The following CCSER1 variants were observed in gnomAD, a reference collection of about 807,000 sequenced individuals.
CCSER1 encodes coiled-coil serine rich protein 1.
A neutral mutation model predicts 82.0 loss-of-function variants in CCSER1; 41 were observed. That is an observed-to-expected ratio of 0.50 (90% CI 0.39 to 0.65). CCSER1 has a LOEUF of 0.65. Among genes scored for constraint, CCSER1 ranks in the 30% least tolerant of loss-of-function variants. CCSER1 has a pLI of 0.00. For synonymous variants in CCSER1, 414 were observed against 383.9 expected, an observed-to-expected ratio of 1.08 and a Z score of -0.92; for missense variants, 1,119 against 1,064.2, an observed-to-expected ratio of 1.05 and a Z score of -0.72.
intron 10 of CCSER1, among the ~76,000 whole-genome samples, chr4:91,566,105 G>A (rs1762874745): frequency 6.6e-6 from 1 of 152,058 alleles, no homozygotes. Flanking sequence ...ATGAAGGAGT[G>A]TTGAATTTTA....
intron 3 of CCSER1, among the ~76,000 whole-genome samples, chr4:90,390,149 A>C (rs747156216): frequency 6.6e-5 from 10 of 152,200 alleles, no homozygotes; most frequent in Non-Finnish European, 1.0e-4. Context: ...GCAGGAATCA[A>C]TTTTGCAGAG....
At chr4:90,553,056 C>T (rs775091140) in intron 5 of CCSER1, among the ~76,000 whole-genome samples, 2 of 151,704 alleles carry the variant, frequency 1.3e-5, no homozygotes, top group African/African-American at 2.4e-5. Context: ...CTGCAACCTC[C>T]ACCTCCCGGG....
At chr4:90,755,974 C>T (rs1255721714) in intron 7 of CCSER1, among the ~76,000 whole-genome samples, 1 of 152,036 alleles carries the variant, frequency 6.6e-6, no homozygotes, top group Non-Finnish European at 1.5e-5. Context: ...GCCTGTAATC[C>T]CAGCACTTTG....
rs370305438 is a variant in CCSER1, at chr4:90,277,266, C to A, written c.-41-30978C>A. The stretch of plus-strand genomic sequence containing the variant: ...GCAATTTATGGACTTAATGCATTTC[C>A]AAACTACCAATGTCATTTTTTAACA... On this transcript the variant is annotated intron_variant, in intron 1 of 10. Coordinates refer to ENST00000509176, the MANE Select transcript of CCSER1 (RefSeq NM_001145065.2). Among the ~76,000 whole-genome samples the A allele has an allele frequency of 2.2e-4, 34 of 152,186 alleles. No individual in the cohort carries two copies. In the South Asian group the frequency reaches 6.8e-3, roughly 31 times the overall value.
rs139093271 is a variant in CCSER1 at position 90,638,066 on chromosome 4, C to T, written c.1932+9834C>T. On this transcript the variant is annotated intron_variant, in intron 6 of 10. Coordinates refer to ENST00000509176, the MANE Select transcript of CCSER1 (RefSeq NM_001145065.2). ...GCCCTACTCTAACTTGAAATAGGTGCGGGATAACTCCTTTAAGCTTTTGAA... is the reference window on the plus strand; with the variant it reads ...GCCCTACTCTAACTTGAAATAGGTGTGGGATAACTCCTTTAAGCTTTTGAA... Among the ~76,000 whole-genome samples the T allele has an allele frequency of 5.3e-5, 8 of 152,118 alleles. No homozygotes were observed. In the South Asian group the frequency reaches 1.0e-3, roughly 20 times the overall value.
intron 10 of CCSER1, among the ~76,000 whole-genome samples, chr4:91,182,953 G>A (rs771576291): frequency 6.6e-6 from 1 of 152,222 alleles, no homozygotes; most frequent in Non-Finnish European, 1.5e-5. Flanking sequence ...AGGTAATGCT[G>A]TATCTGTGTT....
chr4:90,266,498 C>T (rs11938553), intron 1 of CCSER1, among the ~76,000 whole-genome samples: 1 of 151,802 alleles, frequency 6.6e-6, no homozygotes, highest in East Asian at 2.0e-4. Flanking sequence ...CACCTACATA[C>T]GAACTGAAAA....
At chr4:91,386,596 G>A (rs773064409) in intron 10 of CCSER1, among the ~76,000 whole-genome samples, 7 of 152,038 alleles carry the variant, frequency 4.6e-5, no homozygotes, top group East Asian at 3.9e-4. Flanking sequence ...ATTATGATGC[G>A]GAGCATGGTT....
chr4:90,455,591 A>T (rs988968886), intron 4 of CCSER1, among the ~76,000 whole-genome samples: 1 of 152,254 alleles, frequency 6.6e-6, no homozygotes, highest in South Asian at 2.1e-4. Flanking sequence ...GAGGCTAAGA[A>T]AAAAGGGCAT....
chr4:90,995,446 G>A (rs1158884246), intron 9 of CCSER1, among the ~76,000 whole-genome samples: 4 of 152,010 alleles, frequency 2.6e-5, no homozygotes. Context: ...AAAGAATTTA[G>A]CCCATAGTAA....
At chr4:91,272,735 A>G (rs1742131538) in intron 10 of CCSER1, among the ~76,000 whole-genome samples, 1 of 152,136 alleles carries the variant, frequency 6.6e-6, no homozygotes, top group Admixed American at 6.5e-5. Context: ...CAGGTCTTAG[A>G]TTTAAGTCCT....
intron 8 of CCSER1, among the ~76,000 whole-genome samples, chr4:90,846,964 T>C (rs10010346): frequency 0.2 from 30,221 of 152,114 alleles, 3,106 homozygotes; most frequent in Non-Finnish European, 0.22. Context: ...TGAAATATTA[T>C]GTTTATTATG....
At chr4:91,504,545 CATT>C (rs1759383735) in intron 10 of CCSER1, among the ~76,000 whole-genome samples, 1 of 152,028 alleles carries the variant, frequency 6.6e-6, no homozygotes, top group Non-Finnish European at 1.5e-5. Context: ...ATAGAAATTT[CATT>C]ATATCATCAC....
chr4:91,414,571 T>G (rs2149375970), intron 10 of CCSER1, among the ~76,000 whole-genome samples: 1 of 152,260 alleles, frequency 6.6e-6, no homozygotes, highest in African/African-American at 2.4e-5. Context: ...GCCTATTTAT[T>G]ATCTCTTTAA....
chr4:90,800,449 AT>A (rs1260180635), intron 7 of CCSER1, among the ~76,000 whole-genome samples: 1 of 152,126 alleles, frequency 6.6e-6, no homozygotes, highest in Non-Finnish European at 1.5e-5. Context: ...GGGAGGAGAC[AT>A]GTAAACAATT....
rs142335180 is a variant in CCSER1, at chr4:91,291,861, T to G, written c.2217+205867T>G. 1.6e-3 allele frequency among the ~76,000 whole-genome samples: 236 copies of G among 152,122 alleles called. 2 individuals are homozygous for G. The highest frequency in any genetic ancestry group is 5.3e-3 in the African/African-American group (220 of 41,536). On this transcript the variant is annotated intron_variant, in intron 10 of 10. Coordinates refer to ENST00000509176, the MANE Select transcript of CCSER1 (RefSeq NM_001145065.2). The stretch of plus-strand genomic sequence containing the variant: ...ACATAATTGTAAATGTTCCTAGAGA[T>G]TCTTGATTCCAGTCCATCCACATCA...
intron 10 of CCSER1, among the ~76,000 whole-genome samples, chr4:91,543,231 C>G (rs1289349814): frequency 6.6e-6 from 1 of 152,198 alleles, no homozygotes; most frequent in Non-Finnish European, 1.5e-5. Context: ...ATACAGCACA[C>G]TGATGGGTCT....
At chr4:91,143,782 G>A (rs1729275311) in intron 10 of CCSER1, among the ~76,000 whole-genome samples, 1 of 151,976 alleles carries the variant, frequency 6.6e-6, no homozygotes, top group South Asian at 2.1e-4. Context: ...CACACTTATT[G>A]ATTTGTGCAT....
chr4:90,158,603 G>C lies in CCSER1; in HGVS notation c.-42+30772G>C, dbSNP rs1181870862. On this transcript the variant is annotated intron_variant, in intron 1 of 10. Coordinates refer to ENST00000509176, the MANE Select transcript of CCSER1 (RefSeq NM_001145065.2). Reference sequence around the variant, plus strand: ...AATGGCGGGCTCCCCTCCCCAGCCTGGCTGCCGCCTTGCAGTTTGATCTCA... The same window carrying C: ...AATGGCGGGCTCCCCTCCCCAGCCTCGCTGCCGCCTTGCAGTTTGATCTCA... Among the ~76,000 whole-genome samples, 4 of 152,176 alleles carry C rather than the reference G, an allele frequency of 2.6e-5. No individual in the cohort carries two copies. The East Asian group carries it at 5.8e-4, about 22-fold the overall frequency.
Sources: allele counts gnomAD v4.1 joint callset (sites outside exome capture counted in the v4.1 genomes callset), GRCh38; gene constraint gnomAD v4.1.1; transcripts MANE v1.5; gene names NCBI Gene and HGNC (gene_info 2026-07-23, HGNC 2026-07-21).